The following CCDC7 variants were observed in gnomAD, a reference collection of about 807,000 sequenced individuals.
CCDC7 encodes the protein coiled-coil domain-containing protein 7.
Under a neutral mutation model 196.9 loss-of-function variants are expected in CCDC7, and 183 were observed. The ratio of observed to expected loss-of-function variants is 0.93; its 90% CI spans 0.82 to 1.05. The LOEUF is 1.05. Among genes scored for constraint, CCDC7 ranks in the 50% least tolerant of loss-of-function variants. The pLI is 0.00. For synonymous variants in CCDC7, 525 were observed against 484.6 expected, an observed-to-expected ratio of 1.08 and a Z score of -1.10; for missense variants, 1,540 against 1,482.2, an observed-to-expected ratio of 1.04 and a Z score of -0.64.
At chr10:32,788,626 CT>C in intron 29 of CCDC7, among the ~76,000 whole-genome samples, 1 of 152,290 alleles carries the variant, frequency 6.6e-6, no homozygotes, top group South Asian at 2.1e-4. Flanking sequence ...GACCCAGCCT[CT>C]AGCTCCACCC....
At chr10:32,473,077 A>ATCCCCTATACAGACAACAATGTGTT (rs2038280054) in intron 7 of CCDC7, among the ~76,000 whole-genome samples, 3 of 152,234 alleles carry the variant, frequency 2.0e-5, no homozygotes, top group African/African-American at 7.2e-5. Flanking sequence ...TACAATGTGT[A>ATCCCCTATACAGACAACAATGTGTT]TCCCCTATAC....
Position 32,490,136 on chromosome 10 carries a change from G to T in CCDC7, c.797-1786G>T, listed in dbSNP as rs573060586. ...TGCTGTCTCCAGCTGTCTCTGGTAT[G>T]CTGATCTCCTCAGCTATCCTGTCTG... On this transcript the variant is annotated intron_variant, in intron 8 of 41. Transcript: ENST00000639629. Among the ~76,000 whole-genome samples, 6 of 152,238 alleles carry T rather than the reference G, an allele frequency of 3.9e-5. No homozygotes were observed. In the South Asian group the frequency reaches 1.2e-3, roughly 32 times the overall value.
intron 28 of CCDC7, among the ~76,000 whole-genome samples, chr10:32,767,169 G>A (rs1288937362): frequency 3.9e-5 from 6 of 152,060 alleles, no homozygotes; most frequent in African/African-American, 1.4e-4. Context: ...CACTGGGCAC[G>A]TGTCCAATAT....
intron 22 of CCDC7, among the ~76,000 whole-genome samples, chr10:32,688,619 G>C (rs2076728375): frequency 6.6e-6 from 1 of 151,958 alleles, no homozygotes; most frequent in Admixed American, 6.6e-5. Context: ...TGTATGTACA[G>C]TTTTTTGGAC....
At chr10:32,624,995 T>TTG (rs887008448) in intron 18 of CCDC7, among the ~76,000 whole-genome samples, 1 of 144,370 alleles carries the variant, frequency 6.9e-6, no homozygotes, top group Non-Finnish European at 1.5e-5. Flanking sequence ...TTTTTTTTTT[T>TTG]TTTTTTTTTT....
intron 28 of CCDC7, among the ~76,000 whole-genome samples, chr10:32,772,082 C>T (rs1355286468): frequency 6.6e-6 from 1 of 152,172 alleles, no homozygotes; most frequent in Non-Finnish European, 1.5e-5. Flanking sequence ...TGTGGCAGGG[C>T]AAAGCCAGGT....
intron 11 of CCDC7, among the ~76,000 whole-genome samples, chr10:32,539,746 C>G (rs1171963460): frequency 6.6e-6 from 1 of 152,086 alleles, no homozygotes; most frequent in Non-Finnish European, 1.5e-5. Flanking sequence ...AACTTCCTAA[C>G]TTCTGCCTTA....
At chr10:32,852,505 C>T (rs183241630) in intron 40 of CCDC7, among the ~76,000 whole-genome samples, 69 of 152,066 alleles carry the variant, frequency 4.5e-4, no homozygotes, top group African/African-American at 1.4e-3. Flanking sequence ...TTTTTATAAA[C>T]GGAGTCTTGC....
intron 2 of CCDC7, among the ~76,000 whole-genome samples, chr10:32,454,022 T>C (rs1418788683): frequency 6.6e-6 from 1 of 152,140 alleles, no homozygotes; most frequent in Non-Finnish European, 1.5e-5. Flanking sequence ...CTCTTCACAA[T>C]AAAGGGAACA....
chr10:32,468,516 G>T (rs1225320307), intron 5 of CCDC7, among the ~76,000 whole-genome samples: 2 of 152,172 alleles, frequency 1.3e-5, no homozygotes. Flanking sequence ...ATAGGATTAT[G>T]TTGTCTATAA....
intron 5 of CCDC7, among the ~76,000 whole-genome samples, chr10:32,465,972 C>T (rs1268218735): frequency 6.6e-6 from 1 of 152,192 alleles, no homozygotes; most frequent in African/African-American, 2.4e-5. Flanking sequence ...CACAAGTCCT[C>T]TGGGTTTTAC....
intron 11 of CCDC7, among the ~76,000 whole-genome samples, chr10:32,533,655 G>T (rs930903025): frequency 2.0e-5 from 3 of 151,888 alleles, no homozygotes; most frequent in African/African-American, 7.3e-5. Flanking sequence ...ATATTTGAAG[G>T]ATAATTTTGA....
chr10:32,856,374 A>C (rs1048344042), intron 41 of CCDC7, among the ~76,000 whole-genome samples: 7 of 152,186 alleles, frequency 4.6e-5, no homozygotes, highest in Non-Finnish European at 1.5e-5. Context: ...CCACAACAAC[A>C]GAACTCAATT....
chr10:32,577,617 T>C (rs1394569812), intron 16 of CCDC7, among the ~76,000 whole-genome samples: 4 of 152,172 alleles, frequency 2.6e-5, no homozygotes, highest in African/African-American at 9.7e-5. Flanking sequence ...GAGAGAGGCT[T>C]TTCCATTAGT....
chr10:32,605,676 A>G (rs1398633832), intron 18 of CCDC7, among the ~76,000 whole-genome samples: 2 of 152,240 alleles, frequency 1.3e-5, no homozygotes, highest in Admixed American at 1.3e-4. Context: ...GACTTAGGGT[A>G]TCTGGCAGAA....
intron 36 of CCDC7, 66 bp downstream of exon 37, chr10:32,846,025 T>C (rs1463821090): frequency 8.6e-7 from 1 of 1,162,654 alleles, no homozygotes; most frequent in Non-Finnish European, 1.3e-6. Flanking sequence ...TAAATTGAAG[T>C]ATAGACCTTT....
At chr10:32,659,963 C>G (rs72782247) in intron 20 of CCDC7, among the ~76,000 whole-genome samples, 13,404 of 152,160 alleles carry the variant, frequency 0.088, 861 homozygotes, top group East Asian at 0.33. Flanking sequence ...GCCCAGCAAT[C>G]CCGTTACTGG....
intron 9 of CCDC7, among the ~76,000 whole-genome samples, chr10:32,493,914 G>A (rs1247532489): frequency 4.6e-5 from 7 of 151,926 alleles, no homozygotes; most frequent in African/African-American, 9.7e-5. Context: ...GTTGAGTTGA[G>A]CTCCTTTTAC....
intron 24 of CCDC7, among the ~76,000 whole-genome samples, chr10:32,700,839 C>G (rs1160018053): frequency 6.6e-6 from 1 of 152,074 alleles, no homozygotes; most frequent in Non-Finnish European, 1.5e-5. Flanking sequence ...AATTCACTCA[C>G]GATTTGGCTC....
Sources: allele counts gnomAD v4.1 joint callset (sites outside exome capture counted in the v4.1 genomes callset), GRCh38; gene constraint gnomAD v4.1.1; transcripts MANE v1.5; gene names NCBI Gene and HGNC (gene_info 2026-07-23, HGNC 2026-07-21).